UHRF2: variants seen among roughly 807,000 people sequenced by gnomAD.
UHRF2 encodes ubiquitin like with PHD and ring finger domains 2.
Under a neutral mutation model 96.8 loss-of-function variants are expected in UHRF2, and 23 were observed. That is an observed-to-expected ratio of 0.24 (90% CI 0.17 to 0.34). The LOEUF is 0.34. Among genes scored for constraint, UHRF2 ranks in the 10% least tolerant of loss-of-function variants. UHRF2 has a pLI of 1.00. For synonymous variants in UHRF2, 385 were observed against 332.6 expected (o/e 1.16, Z -1.72); for missense variants, 685 against 981.5 (o/e 0.70, Z 4.04).
chr9:6,489,190 T>C (rs1039172567), intron 9 of UHRF2, among the ~76,000 whole-genome samples: 1 of 152,362 alleles, frequency 6.6e-6, no homozygotes, highest in African/African-American at 2.4e-5. Context: ...ACCTTTAGGA[T>C]TGGCTTTTTC....
chr9:6,430,411 C>T (rs1820501889), intron 2 of UHRF2, among the ~76,000 whole-genome samples: 1 of 152,106 alleles, frequency 6.6e-6, no homozygotes, highest in Admixed American at 6.5e-5. Flanking sequence ...CAACTCCTCT[C>T]CTCCCCATAT....
rs1433527534 is a variant in UHRF2 at position 6,413,988 on chromosome 9, G to A, written c.153+345G>A. On this transcript the variant is annotated intron_variant, in intron 1 of 15. Transcript: ENST00000276893. ...TCGGCGGGGCCTGGGGCCCCCAGAG[G>A]GCGGGGAGGGCAGAGGGCTCTGGCG... 6.4e-5 allele frequency: 12 copies of A among 188,302 alleles called. No individual in the cohort carries two copies. The East Asian group carries it at 1.2e-3, about 19-fold the overall frequency. 11.7% of individuals were successfully genotyped at this position (188,302 alleles called of 1,614,324 possible). A position where few individuals can be genotyped will look rare whatever the true frequency, so the allele number is the denominator to read the frequency against.
Position 6,506,310 on chromosome 9 carries a change from T to G in UHRF2, c.*131T>G, listed in dbSNP as rs1816580798. The G allele has an allele frequency of 5.9e-6, 7 of 1,190,566 alleles. No individual in the cohort carries two copies. Among genetic ancestry groups the G allele is most frequent in the Non-Finnish European group, 8.1e-6 (7 of 859,494 alleles). 73.8% of individuals were successfully genotyped at this position (1,190,566 alleles called of 1,614,324 possible). A position where few individuals can be genotyped will look rare whatever the true frequency, so the allele number is the denominator to read the frequency against. On this transcript the variant is annotated 3_prime_UTR_variant, in exon 16 of 16. Transcript: ENST00000276893. ...GAAGCAGCTAATCCTCTTTCCCACA[T>G]AGCCATCATCTTGTGTGTGTAGTAA... is the stretch of plus-strand genomic sequence containing the variant.
intron 3 of UHRF2, among the ~76,000 whole-genome samples, chr9:6,437,365 T>C (rs1031326771): frequency 2.6e-5 from 4 of 152,084 alleles, no homozygotes; most frequent in Middle Eastern, 3.2e-3. Context: ...CATGAGTACC[T>C]GGGATGACAG....
At position 6,486,836 on chromosome 9, in the gene UHRF2, G is replaced by A; in HGVS notation, c.1408G>A (p.Val470Ile). ...RFRVQVSEAGVHRPHVGGIHG... is the reference protein window; with the variant it reads ...RFRVQVSEAGIHRPHVGGIHG... ...TGTTTTATAGGTGAGCGAAGCAGGTGTTCACAGACCCCATGTTGGTGGAAT... is the reference window on the plus strand; with the variant it reads ...TGTTTTATAGGTGAGCGAAGCAGGTATTCACAGACCCCATGTTGGTGGAAT... Residue 470 changes from valine (V) to isoleucine (I), a missense_variant, in exon 9 of 16, where the codon GTT becomes ATT. By Grantham distance (29) the Val-to-Ile change is conservative (BLOSUM62 3). This residue lies in a region of UHRF2 where 73 missense variants were observed against 283.7 expected (regional missense o/e 0.26). Coordinates refer to ENST00000276893, the MANE Select transcript of UHRF2 (RefSeq NM_152896.3). 1 of 1,614,122 alleles carries A rather than the reference G, an allele frequency of 6.2e-7. No individual in the cohort carries two copies. The highest frequency in any genetic ancestry group is 1.6e-4 in the Middle Eastern group (1 of 6,062).
At chr9:6,497,827 C>T (rs1825062391) in intron 11 of UHRF2, among the ~76,000 whole-genome samples, 191 bp from the exon 12 acceptor site, 1 of 152,142 alleles carries the variant, frequency 6.6e-6, no homozygotes, top group African/African-American at 2.4e-5. Context: ...AGTCTGTCCT[C>T]ATGGGAAGTA....
intron 9 of UHRF2, chr9:6,492,815 A>C (rs958857101): frequency 6.8e-6 from 1 of 147,186 alleles, no homozygotes; most frequent in Non-Finnish European, 1.5e-5. Context: ...CTATAGAAGT[A>C]ATTGGAGAGC....
At chr9:6,504,410 G>C (rs1816474679) in intron 14 of UHRF2, 183 bp from the exon 15 acceptor site, 2 of 411,468 alleles carry the variant, frequency 4.9e-6, no homozygotes, top group African/African-American at 2.1e-5. Flanking sequence ...GTGAAATTTT[G>C]ATATGTTCAT....
chr9:6,424,129 A>AG (rs1820101671), intron 2 of UHRF2, among the ~76,000 whole-genome samples: 2 of 21,584 alleles, frequency 9.3e-5, no homozygotes, highest in South Asian at 9.8e-3. Flanking sequence ...CAGGAGAACA[A>AG]AATAAAGTGT....
chr9:6,497,218 A>G lies in UHRF2; in HGVS notation c.1625A>G (p.Asp542Gly). The change falls in exon 11 of 16, where the codon GAT (aspartate) becomes GGT (glycine). Residue 542 changes from aspartate to glycine, a missense_variant. Physicochemically the swap from Asp to Gly is moderately conservative, Grantham distance 94 (BLOSUM62 -1). Coordinates refer to ENST00000276893, the MANE Select transcript of UHRF2 (RefSeq NM_152896.3). ...NMNRALALNC[D>G]APLDDKIGAE... is the part of the protein sequence containing the mutation. ...TTTAGGGCATTGGCCCTAAACTGTG[A>G]TGCTCCATTGGATGATAAAATTGGA... 1 of 1,613,912 alleles carries G rather than the reference A, an allele frequency of 6.2e-7. No homozygotes were observed. The highest frequency in any genetic ancestry group is 8.5e-7 in the Non-Finnish European group (1 of 1,179,896).
At chr9:6,476,163 C>G (rs1238197312) in intron 5 of UHRF2, among the ~76,000 whole-genome samples, 1 of 152,162 alleles carries the variant, frequency 6.6e-6, no homozygotes. Flanking sequence ...GCTTCTTTCA[C>G]TTAACATAAT....
intron 4 of UHRF2, among the ~76,000 whole-genome samples, chr9:6,466,007 A>G (rs1362477598): frequency 6.6e-6 from 1 of 152,376 alleles, no homozygotes; most frequent in Middle Eastern, 3.4e-3. Context: ...TACTACTGTA[A>G]TATAATATTT....
chr9:6,461,926 T>G (rs751126676), intron 4 of UHRF2, among the ~76,000 whole-genome samples: 2 of 152,132 alleles, frequency 1.3e-5, no homozygotes, highest in Non-Finnish European at 2.9e-5. Context: ...TTTCTTTTCT[T>G]TAGAATAAAT....
chr9:6,413,456 A>C lies in UHRF2; in HGVS notation c.-35A>C. 1.3e-5 allele frequency: 19 copies of C among 1,447,026 alleles called. No individual in the cohort carries two copies. Among genetic ancestry groups the C allele is most frequent in the East Asian group, 6.0e-5 (2 of 33,500 alleles). The allele number at this position is 1,447,026 out of a possible 1,614,324, so 89.6% of individuals were successfully genotyped here. A position where few individuals can be genotyped will look rare whatever the true frequency, so the allele number is the denominator to read the frequency against. ...GGCGCGGCGCCCAGAGCTCAGGGGGAGACAAAGGGGACCGGTTCCTCTCTA... is the reference window on the plus strand; with the variant it reads ...GGCGCGGCGCCCAGAGCTCAGGGGGCGACAAAGGGGACCGGTTCCTCTCTA... On this transcript the variant is annotated 5_prime_UTR_variant, in exon 1 of 16. Coordinates refer to ENST00000276893, the MANE Select transcript of UHRF2 (RefSeq NM_152896.3).
At chr9:6,436,334 C>T (rs957930233) in intron 3 of UHRF2, among the ~76,000 whole-genome samples, 5 of 152,066 alleles carry the variant, frequency 3.3e-5, no homozygotes, top group African/African-American at 4.8e-5. Flanking sequence ...ATAGTACCAA[C>T]GATTATCTGA....
At chr9:6,428,281 C>G (rs1440997162) in intron 2 of UHRF2, among the ~76,000 whole-genome samples, 1 of 152,074 alleles carries the variant, frequency 6.6e-6, no homozygotes, top group African/African-American at 2.4e-5. Flanking sequence ...CTATAAACAC[C>G]ATCCAAGTTA....
chr9:6,455,895 G>A (rs1263559410), intron 3 of UHRF2, among the ~76,000 whole-genome samples: 1 of 152,150 alleles, frequency 6.6e-6, no homozygotes, highest in African/African-American at 2.4e-5. Context: ...GAGGTAAGAG[G>A]ATTGCTTGAG....
At chr9:6,483,767 A>G (rs2130916459) in intron 8 of UHRF2, among the ~76,000 whole-genome samples, 1 of 152,252 alleles carries the variant, frequency 6.6e-6, no homozygotes. Context: ...TTGGCTCACC[A>G]CAACCTCTAC....
intron 3 of UHRF2, among the ~76,000 whole-genome samples, chr9:6,446,015 A>C (rs1411505867): frequency 1.4e-5 from 1 of 71,268 alleles, no homozygotes; most frequent in Non-Finnish European, 2.4e-5. Context: ...TTTTTGAGAT[A>C]GAGTCTCACT....
Sources: allele counts gnomAD v4.1 joint callset (sites outside exome capture counted in the v4.1 genomes callset), GRCh38; gene constraint gnomAD v4.1.1; regional missense constraint gnomAD v4.1.1; transcripts MANE v1.5; gene names NCBI Gene and HGNC (gene_info 2026-07-23, HGNC 2026-07-21).